Variants in FBN1 observed in about 807,000 individuals in gnomAD.
The protein encoded by FBN1 is fibrillin 1, also known as fibrillin-1.
In FBN1, 29 loss-of-function variants were observed where a neutral mutation model predicts 365.1. That is an observed-to-expected ratio of 0.08 (90% confidence interval 0.06 to 0.11). FBN1 has a LOEUF of 0.11. FBN1 is among the 10% of genes least tolerant of loss of function. FBN1 has a pLI of 1.00. For missense variants in FBN1, 2,476 were observed against 3,703.2 expected, an observed-to-expected ratio of 0.67 and a Z score of 8.60; for synonymous variants, 1,210 against 1,270.5, an observed-to-expected ratio of 0.95 and a Z score of 1.01.
chr15:48,534,839 A>G (rs2044001894), intron 7 of FBN1, among the ~76,000 whole-genome samples: 1 of 152,326 alleles, frequency 6.6e-6, no homozygotes, highest in South Asian at 2.1e-4. Flanking sequence ...GTGAGTGTGT[A>G]GTTTCAGCTG....
intron 6 of FBN1, among the ~76,000 whole-genome samples, chr15:48,550,442 G>A (rs540646664): frequency 8.6e-5 from 13 of 152,024 alleles, no homozygotes; most frequent in Admixed American, 3.9e-4. Flanking sequence ...CTAATCACCC[G>A]CAAACTTTGT....
At chr15:48,572,800 T>C (rs1237029615) in intron 6 of FBN1, among the ~76,000 whole-genome samples, 1 of 152,236 alleles carries the variant, frequency 6.6e-6, no homozygotes, top group Non-Finnish European at 1.5e-5. Context: ...TGAGATGCTC[T>C]GGTTCGTTCA....
In FBN1 at chr15:48,420,703, C is replaced by T; in HGVS notation, c.7803G>A (p.Gln2601=). 3.1e-6 allele frequency: 5 copies of T among 1,614,146 alleles called. No homozygotes were observed. The highest frequency in any genetic ancestry group is 4.2e-6 in the Non-Finnish European group (5 of 1,180,008). The change falls in exon 63 of 66, where the codon CAG becomes CAA. Residue 2601 remains glutamine (Q), a synonymous_variant. Transcript: ENST00000316623. ...GTTACTTGCCAACACACTGGTTCCA[C>T]TGGTAGTGCTGGAGGTAGCCCTGGG... The part of the protein sequence containing the change: ...SCPQGYLQHY[Q]WNQCVDENEC...
Position 48,608,891 on chromosome 15 carries a change from T to C in FBN1, c.346+1837A>G, listed in dbSNP as rs576573998. On this transcript the variant is annotated intron_variant, in intron 4 of 65. Transcript: ENST00000316623. ...TCCACATCTCATGATTTCTACTCGA[T>C]AGAGAAGTCATTATCAGTTCACATT... is the stretch of plus-strand genomic sequence containing the variant. 3.9e-5 allele frequency among the ~76,000 whole-genome samples: 6 copies of C among 152,362 alleles called. 1 individual carries two copies. Among genetic ancestry groups the C allele is most frequent in the African/African-American group, 1.2e-4 (5 of 41,592 alleles).
Position 48,487,206 on chromosome 15 carries a change from G to A in FBN1, c.3464-6C>T, listed in dbSNP as rs375596551. On this transcript the variant is annotated splice_region_variant and splice_polypyrimidine_tract_variant and intron_variant, in intron 28 of 65. Transcript: ENST00000316623. ...CAGCTCACATTCATTGATGTCTGTC[G>A]GGAAAATAAGAAGAACAAACACCCA... The A allele has an allele frequency of 7.1e-5, 114 of 1,614,026 alleles. No homozygotes were observed. The highest frequency in any genetic ancestry group is 4.9e-4 in the African/African-American group (37 of 75,002).
At chr15:48,451,689 A>T (rs1203261308) in intron 45 of FBN1, among the ~76,000 whole-genome samples, 1 of 152,156 alleles carries the variant, frequency 6.6e-6, no homozygotes, top group Non-Finnish European at 1.5e-5. Context: ...AAAATAACAC[A>T]TTCTTCCTGA....
chr15:48,591,912 T>G (rs908353582), intron 6 of FBN1, among the ~76,000 whole-genome samples: 1 of 152,212 alleles, frequency 6.6e-6, no homozygotes, highest in Non-Finnish European at 1.5e-5. Flanking sequence ...GCCTCTATTT[T>G]ACCACTTATA....
rs755449626 is a variant in FBN1 at position 48,415,509 on chromosome 15, A to G, written c.8051+27T>C. On this transcript the variant is annotated intron_variant, in intron 64 of 65. Transcript: ENST00000316623. ...TATATTACGAATGAAAGAATCTCCA[A>G]CCATGACCAGGAAGAGCACTGCTTA... 8 of 1,528,634 alleles carry G rather than the reference A, an allele frequency of 5.2e-6. No individual in the cohort carries two copies. The East Asian group carries it at 1.8e-4, about 34-fold the overall frequency. 94.7% of individuals were successfully genotyped at this position (1,528,634 alleles called of 1,614,324 possible).
At position 48,452,502 on chromosome 15, in the gene FBN1, T is replaced by C. The variant is rs1254997745; in HGVS notation, c.5545+60A>G. The C allele has an allele frequency of 5.6e-6, 9 of 1,597,802 alleles. No homozygotes were observed. In the East Asian group the frequency reaches 2.0e-4, roughly 36 times the overall value. ...CTATCTGAAAATAAATCCAGATATC[T>C]GAAGCTTCATGAAGACAAACTCTTG... On this transcript the variant is annotated intron_variant, in intron 45 of 65. Transcript: ENST00000316623.
chr15:48,549,529 C>T (rs919632358), intron 6 of FBN1, among the ~76,000 whole-genome samples: 2 of 152,186 alleles, frequency 1.3e-5, no homozygotes, highest in Non-Finnish European at 2.9e-5. Context: ...TTTCTTATAA[C>T]CTGGGATTTC....
intron 45 of FBN1, among the ~76,000 whole-genome samples, chr15:48,450,563 G>A (rs552517496): frequency 1.8e-3 from 267 of 152,304 alleles, no homozygotes; most frequent in Non-Finnish European, 3.2e-3. Context: ...GAGAAAGAGA[G>A]GAAACCACAA....
At chr15:48,617,429 TCCC>T (rs1289090067) in intron 2 of FBN1, among the ~76,000 whole-genome samples, 1 of 152,088 alleles carries the variant, frequency 6.6e-6, no homozygotes, top group Non-Finnish European at 1.5e-5. Context: ...CGCCTCTGCC[TCCC>T]AAAGTGCTGG....
At chr15:48,515,194 C>T (rs2043790313) in intron 12 of FBN1, among the ~76,000 whole-genome samples, 193 bp downstream of exon 12, 1 of 152,202 alleles carries the variant, frequency 6.6e-6, no homozygotes, top group Admixed American at 6.5e-5. Flanking sequence ...GACAGCCCTC[C>T]CAACACCTGG....
chr15:48,617,157 G>A (rs1014014132), intron 2 of FBN1, among the ~76,000 whole-genome samples: 5 of 151,656 alleles, frequency 3.3e-5, no homozygotes, highest in African/African-American at 1.2e-4. Context: ...AGCATAAACT[G>A]TTTTGGGGGT....
intron 6 of FBN1, among the ~76,000 whole-genome samples, chr15:48,539,675 C>G (rs1395828688): frequency 6.6e-6 from 1 of 152,102 alleles, no homozygotes; most frequent in Non-Finnish European, 1.5e-5. Context: ...TATCTACATG[C>G]AACCAGACTC....
intron 1 of FBN1, 42 bp downstream of exon 1, chr15:48,645,533 C>T (rs1890291943): frequency 1.3e-5 from 2 of 152,694 alleles, no homozygotes; most frequent in African/African-American, 4.8e-5. Context: ...GCTCCAGCCC[C>T]GGTGGCCGCC....
chr15:48,626,608 A>C (rs1889886738), intron 2 of FBN1, among the ~76,000 whole-genome samples: 1 of 152,226 alleles, frequency 6.6e-6, no homozygotes, highest in Non-Finnish European at 1.5e-5. Context: ...ACAGATTTTA[A>C]GTTTCTATAA....
At chr15:48,497,158 G>A (rs1471504487) in intron 19 of FBN1, 108 bp downstream of exon 19, 35 of 1,264,228 alleles carry the variant, frequency 2.8e-5, no homozygotes, top group Admixed American at 1.2e-4. Flanking sequence ...AGTATAAAGT[G>A]TCCATTTGCC....
At chr15:48,461,742 C>T (rs767523919) in intron 42 of FBN1, among the ~76,000 whole-genome samples, 34 of 152,232 alleles carry the variant, frequency 2.2e-4, no homozygotes, top group Non-Finnish European at 3.5e-4. Context: ...GCAGGCTGTA[C>T]AGTCAGTCAA....
Sources: allele counts gnomAD v4.1 joint callset (sites outside exome capture counted in the v4.1 genomes callset), GRCh38; gene constraint gnomAD v4.1.1; transcripts MANE v1.5; gene names NCBI Gene and HGNC (gene_info 2026-07-23, HGNC 2026-07-21).